Variants in FUT8 observed in about 807,000 individuals in gnomAD.
FUT8 encodes alpha-(1,6)-fucosyltransferase.
FUT8 carries 29 observed loss-of-function variants against 71.3 expected under a neutral mutation model. The ratio of observed to expected loss-of-function variants is 0.41; its 90% CI spans 0.30 to 0.55. The LOEUF (loss-of-function observed/expected upper bound fraction) is 0.55. FUT8 is among the 20% of genes least tolerant of loss of function. The pLI is 0.34. For synonymous variants in FUT8, 254 were observed against 239.3 expected (o/e 1.06, Z -0.57); for missense variants, 544 against 702.1 (o/e 0.77, Z 2.55).
chr14:65,722,111 G>T (rs1345616374), intron 8 of FUT8, 90 bp downstream of exon 8: 1 of 1,481,328 alleles, frequency 6.8e-7, no homozygotes, highest in Non-Finnish European at 9.1e-7. Context: ...ACAATATGTA[G>T]TTCAATTTTT....
intron 3 of FUT8, among the ~76,000 whole-genome samples, chr14:65,581,226 A>G (rs1257227917): frequency 2.6e-5 from 4 of 152,228 alleles, no homozygotes; most frequent in Non-Finnish European, 4.4e-5. Context: ...CAAGCTCTCA[A>G]TGTGCATCTG....
At position 65,730,846 on chromosome 14, in the gene FUT8, T is replaced by G. The variant is rs563990630; in HGVS notation, c.1260-2385T>G. The stretch of plus-strand genomic sequence containing the variant: ...TAAAGTTGGCTATCCAACATTGCAT[T>G]CTAAGATTGTGGAGATTAGGGATGG... On this transcript the variant is annotated intron_variant, in intron 9 of 10. Transcript: ENST00000673929. Among the ~76,000 whole-genome samples, 5 of 152,308 alleles carry G rather than the reference T, an allele frequency of 3.3e-5. No individual in the cohort carries two copies. The East Asian group carries it at 9.6e-4, about 29-fold the overall frequency.
chr14:65,552,394 T>A (rs2140008128), intron 2 of FUT8, among the ~76,000 whole-genome samples: 1 of 152,326 alleles, frequency 6.6e-6, no homozygotes, highest in East Asian at 1.9e-4. Flanking sequence ...ATTGAATGAT[T>A]AGTTTTTGAA....
intron 9 of FUT8, among the ~76,000 whole-genome samples, chr14:65,727,953 A>G (rs1895767890): frequency 6.6e-6 from 1 of 152,192 alleles, no homozygotes; most frequent in Non-Finnish European, 1.5e-5. Context: ...CAGAGACAAA[A>G]TGCTGCCAGT....
intron 7 of FUT8, among the ~76,000 whole-genome samples, chr14:65,688,291 T>C (rs1337880426): frequency 6.6e-6 from 1 of 152,152 alleles, no homozygotes; most frequent in Admixed American, 6.5e-5. Context: ...ACTAATCTTT[T>C]AAATCTCCAC....
chr14:65,590,810 A>G (rs1228913351), intron 3 of FUT8, among the ~76,000 whole-genome samples: 2 of 152,180 alleles, frequency 1.3e-5, no homozygotes, highest in Non-Finnish European at 2.9e-5. Context: ...AGGGCAAAGG[A>G]TAGTAGTATT....
intron 7 of FUT8, among the ~76,000 whole-genome samples, chr14:65,693,226 T>C (rs988931120): frequency 2.6e-5 from 4 of 152,216 alleles, no homozygotes; most frequent in Non-Finnish European, 5.9e-5. Context: ...CATTGAGCAC[T>C]GAGTGAACGA....
intron 2 of FUT8, among the ~76,000 whole-genome samples, chr14:65,501,733 G>A (rs1184638767): frequency 2.6e-5 from 4 of 152,162 alleles, no homozygotes; most frequent in Non-Finnish European, 4.4e-5. Flanking sequence ...TCTGGTCAAA[G>A]GAGGCCATAG....
chr14:65,574,632 A>G lies in FUT8; in HGVS notation c.203+12866A>G, dbSNP rs1333523165. Among the ~76,000 whole-genome samples the G allele has an allele frequency of 6.6e-6, 1 of 152,218 alleles. No individual in the cohort carries two copies. The highest frequency in any genetic ancestry group is 1.9e-4 in the East Asian group (1 of 5,202). On this transcript the variant is annotated intron_variant, in intron 3 of 10. Coordinates refer to ENST00000673929, the MANE Select transcript of FUT8 (RefSeq NM_001371533.1). The surrounding 1 kb of genome is among the most constrained non-coding windows in gnomAD (Gnocchi z 5.2). ...TAATATATTTTTAATTAAACATGAA[A>G]AGCTTTAAATGGTGCTTCTTGTCTG...
the FUT8 span, among the ~76,000 whole-genome samples, chr14:65,403,252 T>C: frequency 6.6e-6 from 1 of 152,224 alleles, no homozygotes; most frequent in East Asian, 1.9e-4. Context: ...ATGTAGATAC[T>C]ATTATTATTC....
chr14:65,448,408 C>T (rs1216083631), intron 1 of FUT8, among the ~76,000 whole-genome samples: 1 of 152,146 alleles, frequency 6.6e-6, no homozygotes, highest in Non-Finnish European at 1.5e-5. Context: ...CATATTGCTA[C>T]TTTCCAGCTA....
chr14:65,642,530 G>C (rs1890888641), intron 6 of FUT8, among the ~76,000 whole-genome samples: 2 of 151,016 alleles, frequency 1.3e-5, no homozygotes, highest in Admixed American at 1.3e-4. Context: ...TTGAACCCAG[G>C]AGGCGGAGGC....
chr14:65,367,719 C>T, the FUT8 span, among the ~76,000 whole-genome samples: 2 of 152,146 alleles, frequency 1.3e-5, no homozygotes, highest in Non-Finnish European at 2.9e-5. Context: ...CGATTCAGAA[C>T]CCAGAGAACA....
At chr14:65,535,609 C>T (rs1043922863) in intron 2 of FUT8, among the ~76,000 whole-genome samples, 1 of 151,976 alleles carries the variant, frequency 6.6e-6, no homozygotes, top group Non-Finnish European at 1.5e-5. Context: ...TTTCTTAGTC[C>T]CAACTTCTAT....
intron 1 of FUT8, among the ~76,000 whole-genome samples, chr14:65,414,867 T>C (rs1321424981): frequency 6.6e-6 from 1 of 152,180 alleles, no homozygotes; most frequent in Non-Finnish European, 1.5e-5. Context: ...TGTAATAGGA[T>C]AGTGATTCAA....
chr14:65,597,618 G>T (rs1447464257), intron 3 of FUT8, among the ~76,000 whole-genome samples: 1 of 91,106 alleles, frequency 1.1e-5, no homozygotes, highest in Non-Finnish European at 2.3e-5. Flanking sequence ...GCGAGACTCT[G>T]TCTAAAAAAA....
At chr14:65,557,251 A>G (rs1885633229) in intron 2 of FUT8, among the ~76,000 whole-genome samples, 2 of 152,154 alleles carry the variant, frequency 1.3e-5, no homozygotes, top group African/African-American at 2.4e-5. Flanking sequence ...ACTGAAAGAA[A>G]TGAATCATTT....
intron 7 of FUT8, among the ~76,000 whole-genome samples, chr14:65,713,189 AAC>A (rs917741538): frequency 7.2e-5 from 11 of 152,180 alleles, no homozygotes; most frequent in Non-Finnish European, 1.5e-4. Context: ...TATTTTATTT[AAC>A]ACAGTGACCT....
chr14:65,392,224 G>GC, the FUT8 span, among the ~76,000 whole-genome samples: 1 of 152,146 alleles, frequency 6.6e-6, no homozygotes, highest in Non-Finnish European at 1.5e-5. Context: ...GAGCCACCGC[G>GC]CCCGGCTAAC....
Sources: gnomAD v4.1 joint callset for allele counts (sites outside exome capture counted in the v4.1 genomes callset) on GRCh38, gnomAD v4.1.1 for gene constraint, Gnocchi (gnomAD v3.1) non-coding constraint, MANE v1.5 for transcripts, NCBI Gene and HGNC (gene_info 2026-07-23, HGNC 2026-07-21) for gene names.